Variants in BID observed in about 807,000 individuals in gnomAD.
The protein encoded by BID is BH3-interacting domain death agonist.
In BID, 19 loss-of-function variants were observed where a neutral mutation model predicts 17.4. That is an observed-to-expected ratio of 1.09 (90% CI 0.76 to 1.60). The LOEUF (loss-of-function observed/expected upper bound fraction) is 1.60, where lower values mean the gene tolerates loss of function less well. Among genes scored for constraint, BID ranks in the 40% most tolerant of loss-of-function variants. The probability of loss-of-function intolerance (pLI) is 0.00; values close to 1 mark genes in which losing one functional copy is unlikely to be tolerated. For missense variants in BID, 226 were observed against 256.0 expected (o/e 0.88, Z 0.80); for synonymous variants, 108 against 102.8 (o/e 1.05, Z -0.31).
At chr22:17,767,659 C>T (rs1209425542) in intron 1 of BID, among the ~76,000 whole-genome samples, 1 of 152,152 alleles carries the variant, frequency 6.6e-6, no homozygotes, top group Non-Finnish European at 1.5e-5. Context: ...AACAATATGA[C>T]CACAAACCAA....
At chr22:17,758,777 TC>T (rs2061612295) in intron 1 of BID, among the ~76,000 whole-genome samples, 1 of 152,214 alleles carries the variant, frequency 6.6e-6, no homozygotes, top group South Asian at 2.1e-4. Flanking sequence ...TGGTACCATT[TC>T]TGTTTTGAAA....
At chr22:17,756,842 G>A (rs2061594781) in intron 1 of BID, among the ~76,000 whole-genome samples, 1 of 152,052 alleles carries the variant, frequency 6.6e-6, no homozygotes, top group Non-Finnish European at 1.5e-5. Context: ...TCAAAGTGCT[G>A]GGATTACAGG....
rs114604297 is a variant in BID at position 17,769,415 on chromosome 22, C to G, written c.-59+4966G>C. 1.9e-3 allele frequency among the ~76,000 whole-genome samples: 286 copies of G among 152,354 alleles called. 1 individual carries two copies. Among genetic ancestry groups the G allele is most frequent in the African/African-American group, 6.2e-3 (259 of 41,580 alleles). On this transcript the variant is annotated intron_variant, in intron 1 of 5. Transcript: ENST00000622694. This position sits in a 1 kb window ranked among gnomAD's most constrained non-coding sequence, Gnocchi z 4.8. Reference sequence around the variant, plus strand: ...CAAGGCTTTTGGGGAAATGGTGACACCTGGGGCCAGGTTTCTCACAGCCAG... The same window carrying G: ...CAAGGCTTTTGGGGAAATGGTGACAGCTGGGGCCAGGTTTCTCACAGCCAG...
chr22:17,750,799 G>GTCCGA (rs2145891946), intron 1 of BID, among the ~76,000 whole-genome samples: 1 of 152,250 alleles, frequency 6.6e-6, no homozygotes, highest in Non-Finnish European at 1.5e-5. Flanking sequence ...CTGCACTCCA[G>GTCCGA]CCTGGGCGAC....
At chr22:17,768,611 C>T (rs1293087934) in intron 1 of BID, among the ~76,000 whole-genome samples, 1 of 152,212 alleles carries the variant, frequency 6.6e-6, no homozygotes, top group African/African-American at 2.4e-5. Flanking sequence ...AGGTGGCTCA[C>T]GCCTGTAATC....
Position 17,739,609 on chromosome 22 carries a change from T to C in BID, c.224-121A>G, listed in dbSNP as rs1367808765. On this transcript the variant is annotated intron_variant, in intron 3 of 5. Coordinates refer to ENST00000622694, the MANE Select transcript of BID (RefSeq NM_001196.4). ...GCGATGGGACAAGGCCAGCCCCCAC[T>C]GGGCACGTGCTCCACTCCACCAGGG... is the stretch of plus-strand genomic sequence containing the variant. 70 of 1,315,124 alleles carry C rather than the reference T, an allele frequency of 5.3e-5. No individual in the cohort carries two copies. In the South Asian group the frequency reaches 8.7e-4, roughly 16 times the overall value. The allele number at this position is 1,315,124 out of a possible 1,614,324, so 81.5% of individuals were successfully genotyped here.
intron 4 of BID, among the ~76,000 whole-genome samples, chr22:17,738,923 C>T (rs534962062): frequency 6.6e-6 from 1 of 152,256 alleles, no homozygotes; most frequent in African/African-American, 2.4e-5. Context: ...AATCTTGTAT[C>T]CCCAACAGTG....
rs151278418 is a variant in BID, at chr22:17,763,114, C to T, written c.-59+11267G>A. Reference sequence around the variant, plus strand: ...CTGGTCTCAAACTCCTGACCTTAGGCGATCCACCCGCCTCAGCCTCCCAAA... The same window carrying T: ...CTGGTCTCAAACTCCTGACCTTAGGTGATCCACCCGCCTCAGCCTCCCAAA... On this transcript the variant is annotated intron_variant, in intron 1 of 5. Transcript: ENST00000622694. Among the ~76,000 whole-genome samples the T allele has an allele frequency of 7.1e-3, 1,085 of 151,960 alleles. 12 individuals are homozygous for T. The highest frequency in any genetic ancestry group is 0.025 in the African/African-American group (1,035 of 41,448).
At position 17,742,267 on chromosome 22, in the gene BID, G is replaced by A. The variant is rs997191043; in HGVS notation, c.223+1536C>T. On this transcript the variant is annotated intron_variant, in intron 3 of 5. Transcript: ENST00000622694. ...CCGGTTTCTCAGTCTAGAGGCAAAG[G>A]CCGGCATGGAGAAGAGCGAGAGAAA... Among the ~76,000 whole-genome samples, 8 of 132,260 alleles carry A rather than the reference G, an allele frequency of 6.0e-5. No individual in the cohort carries two copies. The Admixed American group carries it at 6.4e-4, about 11-fold the overall frequency. 86.8% of individuals were successfully genotyped at this position (132,260 alleles called of 152,430 possible).
In BID at chr22:17,744,028, G is replaced by A; in HGVS notation, c.13-15C>T. 1 of 1,608,110 alleles carries A rather than the reference G, an allele frequency of 6.2e-7. No individual in the cohort carries two copies. Among genetic ancestry groups the A allele is most frequent in the Non-Finnish European group, 8.5e-7 (1 of 1,175,074 alleles). ...CCGTTGTTGACCTGAGGGGAAAGGG[G>A]AGTCAGGAAGCCGGGACTTCAGCCA... On this transcript the variant is annotated splice_polypyrimidine_tract_variant and intron_variant, in intron 2 of 5. Transcript: ENST00000622694.
At chr22:17,745,234 A>G (rs2061487616) in intron 2 of BID, among the ~76,000 whole-genome samples, 2 of 151,994 alleles carry the variant, frequency 1.3e-5, no homozygotes, top group African/African-American at 4.8e-5. Context: ...TATTTTTAGT[A>G]GAGACGAGGT....
rs1000972825 is a variant in BID, at chr22:17,769,539, A to AGC, written c.-59+4840_-59+4841dup. 3.6e-4 allele frequency among the ~76,000 whole-genome samples: 55 copies of AGC among 152,364 alleles called. No homozygotes were observed. Among genetic ancestry groups the AGC allele is most frequent in the African/African-American group, 1.3e-3 (55 of 41,598 alleles). ...CGGAAGGGTGTGTGGGCCACAGAGA[A>AGC]GCACCCTGAGGCTGTGCTGTCATCC... is the stretch of plus-strand genomic sequence containing the variant. On this transcript the variant is annotated intron_variant, in intron 1 of 5. Coordinates refer to ENST00000622694, the MANE Select transcript of BID (RefSeq NM_001196.4). This position sits in a 1 kb window ranked among gnomAD's most constrained non-coding sequence, Gnocchi z 4.8.
At chr22:17,765,049 TGAGG>T (rs2061668368) in intron 1 of BID, among the ~76,000 whole-genome samples, 1 of 151,970 alleles carries the variant, frequency 6.6e-6, no homozygotes, top group African/African-American at 2.4e-5. Context: ...GCAGATCTGA[TGAGG>T]GGTGGGGGTA....
chr22:17,753,527 T>A (rs1449242961), intron 1 of BID, among the ~76,000 whole-genome samples: 1 of 152,220 alleles, frequency 6.6e-6, no homozygotes, highest in Non-Finnish European at 1.5e-5. Context: ...CAGCCCTGCA[T>A]CGGGTAACCT....
At chr22:17,751,951 C>T (rs1207532501) in intron 1 of BID, among the ~76,000 whole-genome samples, 3 of 152,206 alleles carry the variant, frequency 2.0e-5, no homozygotes, top group Non-Finnish European at 4.4e-5. Flanking sequence ...GCCACGGCAC[C>T]TCCCAGGGCC....
intron 3 of BID, among the ~76,000 whole-genome samples, chr22:17,741,775 C>T (rs373546649): frequency 6.6e-6 from 1 of 152,184 alleles, no homozygotes; most frequent in South Asian, 2.1e-4. Context: ...TGCACCCAGC[C>T]TCACTGTAGC....
chr22:17,770,808 C>G (rs1394669712), intron 1 of BID, among the ~76,000 whole-genome samples: 1 of 152,178 alleles, frequency 6.6e-6, no homozygotes, highest in African/African-American at 2.4e-5. Context: ...GGACTGCCCC[C>G]GGCGCCAGCA....
At chr22:17,767,338 T>C (rs2061686451) in intron 1 of BID, among the ~76,000 whole-genome samples, 1 of 152,132 alleles carries the variant, frequency 6.6e-6, no homozygotes, top group South Asian at 2.1e-4. Context: ...CCAATCAGAA[T>C]AGAGTTCCTC....
At chr22:17,757,835 C>T (rs937234119) in intron 1 of BID, among the ~76,000 whole-genome samples, 31 of 152,198 alleles carry the variant, frequency 2.0e-4, no homozygotes, top group East Asian at 1.5e-3. Flanking sequence ...GCAAGGGACT[C>T]GGCCGCTGTC....
Sources: allele counts gnomAD v4.1 joint callset (sites outside exome capture counted in the v4.1 genomes callset), GRCh38; gene constraint gnomAD v4.1.1; non-coding constraint Gnocchi (gnomAD v3.1); transcripts MANE v1.5; gene names NCBI Gene and HGNC (gene_info 2026-07-23, HGNC 2026-07-21).